Variants in NDUFV3 observed in about 807,000 individuals in gnomAD.
The protein encoded by NDUFV3 is NADH:ubiquinone oxidoreductase subunit V3.
NDUFV3 carries 44 observed loss-of-function variants against 37.5 expected under a neutral mutation model. The ratio of observed to expected loss-of-function variants is 1.17; its 90% CI spans 0.92 to 1.51. NDUFV3 has a LOEUF of 1.51. Ranked by LOEUF, NDUFV3 falls within the 40% of genes most tolerant of loss-of-function variation. NDUFV3 has a pLI of 0.00. For synonymous variants in NDUFV3, 235 were observed against 239.3 expected (o/e 0.98, Z 0.17); for missense variants, 580 against 580.4 (o/e 1.00, Z 0.01).
chr21:42,895,089 G>A (rs552522764), intron 1 of NDUFV3, among the ~76,000 whole-genome samples: 2 of 152,274 alleles, frequency 1.3e-5, no homozygotes, highest in African/African-American at 4.8e-5. Flanking sequence ...CCTGGCAGGT[G>A]GCTCATGCCT....
At chr21:42,902,099 T>G (rs1484015102) in intron 2 of NDUFV3, among the ~76,000 whole-genome samples, 3 of 152,092 alleles carry the variant, frequency 2.0e-5, no homozygotes, top group Non-Finnish European at 4.4e-5. Flanking sequence ...TCCCAGCTAT[T>G]CGGGAGGCTG....
rs372738890 is a variant in NDUFV3 at position 42,897,062 on chromosome 21, G to A, written c.169+15G>A. ...TCCACCAAAAAGTAAGATTTTGATG[G>A]TAGTCATAAGGGAAAGAGAATGCAA... On this transcript the variant is annotated intron_variant, in intron 2 of 3. Transcript: ENST00000354250. 5 of 1,613,318 alleles carry A rather than the reference G, an allele frequency of 3.1e-6. No individual in the cohort carries two copies. Among genetic ancestry groups the A allele is most frequent in the Non-Finnish European group, 4.2e-6 (5 of 1,179,526 alleles).
chr21:42,902,377 G>T (rs1419855486), intron 2 of NDUFV3, among the ~76,000 whole-genome samples: 1 of 152,108 alleles, frequency 6.6e-6, no homozygotes, highest in Admixed American at 6.5e-5. Flanking sequence ...TGTTTCCAAA[G>T]TTAGTTTTGT....
intron 3 of NDUFV3, among the ~76,000 whole-genome samples, chr21:42,906,051 A>G (rs2058740369): frequency 6.6e-6 from 1 of 150,836 alleles, no homozygotes; most frequent in South Asian, 2.1e-4. Flanking sequence ...TTTAGTAGAG[A>G]CAGCGTTTTG....
At chr21:42,896,391 C>A (rs1164425359) in intron 1 of NDUFV3, among the ~76,000 whole-genome samples, 2 of 151,710 alleles carry the variant, frequency 1.3e-5, no homozygotes, top group African/African-American at 2.4e-5. Flanking sequence ...CTCCTGACCT[C>A]ATGATCCACA....
In NDUFV3 at chr21:42,894,632, C is replaced by T. The variant is rs191037571; in HGVS notation, c.48+1251C>T. 5.0e-5 allele frequency among the ~76,000 whole-genome samples: 7 copies of T among 140,268 alleles called. No individual in the cohort carries two copies. In the East Asian group the frequency reaches 1.4e-3, roughly 28 times the overall value. 92.0% of individuals were successfully genotyped at this position (140,268 alleles called of 152,430 possible). A position where few individuals can be genotyped will look rare whatever the true frequency, so the allele number is the denominator to read the frequency against. On this transcript the variant is annotated intron_variant, in intron 1 of 3. Transcript: ENST00000354250. ...GGAGTGCAATGGCACCATCTCAACT[C>T]CCTGCAACTTCTGCCCCCTGGGATT...
At chr21:42,893,813 G>A (rs1207807573) in intron 1 of NDUFV3, among the ~76,000 whole-genome samples, 1 of 152,254 alleles carries the variant, frequency 6.6e-6, no homozygotes, top group Non-Finnish European at 1.5e-5. Context: ...AACTTTCAGG[G>A]ACCTGGTTAA....
intron 3 of NDUFV3, chr21:42,907,045 T>C (rs1356887378): frequency 2.7e-6 from 1 of 375,296 alleles, no homozygotes; most frequent in African/African-American, 2.1e-5. Context: ...AATGACCTGA[T>C]TTACAGAAAT....
Position 42,909,013 on chromosome 21 carries a change from C to A in NDUFV3, c.1414C>A (p.Arg472=). 1 of 1,613,674 alleles carries A rather than the reference C, an allele frequency of 6.2e-7. No homozygotes were observed. Among genetic ancestry groups the A allele is most frequent in the African/African-American group, 1.3e-5 (1 of 75,020 alleles). The change falls in exon 4 of 4, where the codon CGA becomes AGA. Residue 472 remains arginine (R), a synonymous_variant. Coordinates refer to ENST00000354250, the MANE Select transcript of NDUFV3 (RefSeq NM_021075.4). ...GCCCTCCTCAGGCCGGGAGTCACCT[C>A]GACACTGAGGGCCCTCGGTGTGAAG... ...PQPSSGRESP[R]H is the part of the protein sequence containing the mutation.
In NDUFV3 at chr21:42,903,634, A is replaced by G; in HGVS notation, c.622A>G (p.Lys208Glu). The G allele has an allele frequency of 1.9e-6, 3 of 1,614,014 alleles. No homozygotes were observed. In the South Asian group the frequency reaches 3.3e-5, roughly 18 times the overall value. The change falls in exon 3 of 4, where the codon AAA becomes GAA. Residue 208 changes from lysine to glutamate, a missense_variant. By Grantham distance (56) the Lys-to-Glu change is moderately conservative. Coordinates refer to ENST00000354250, the MANE Select transcript of NDUFV3 (RefSeq NM_021075.4). Reference protein sequence around the residue: ...APRVTVSAKEKTLLQKPHVDI... With the variant: ...APRVTVSAKEETLLQKPHVDI... The stretch of plus-strand genomic sequence containing the variant: ...CCGAGTTACAGTATCAGCAAAAGAG[A>G]AAACCTTGCTGCAGAAGCCGCATGT...
Position 42,909,016 on chromosome 21 carries a change from C to T in NDUFV3, c.1417C>T (p.His473Tyr). ...CTCCTCAGGCCGGGAGTCACCTCGA[C>T]ACTGAGGGCCCTCGGTGTGAAGATG... ...QPSSGRESPRH is the reference protein window; with the variant it reads ...QPSSGRESPRY The change falls in exon 4 of 4, where the codon CAC becomes TAC. Residue 473 changes from histidine (H) to tyrosine (Y), a missense_variant. His to Tyr is a moderately conservative substitution (Grantham distance 83). Coordinates refer to ENST00000354250, the MANE Select transcript of NDUFV3 (RefSeq NM_021075.4). 1 of 1,613,622 alleles carries T rather than the reference C, an allele frequency of 6.2e-7. No homozygotes were observed. Among genetic ancestry groups the T allele is most frequent in the East Asian group, 2.2e-5 (1 of 44,882 alleles).
At chr21:42,896,868 G>A in intron 1 of NDUFV3, 59 bp from the exon 2 acceptor site, 2 of 1,529,352 alleles carry the variant, frequency 1.3e-6, no homozygotes, top group Non-Finnish European at 1.8e-6. Flanking sequence ...TTCATATATA[G>A]TACCAGCTAT....
At chr21:42,895,798 G>A (rs1400490050) in intron 1 of NDUFV3, among the ~76,000 whole-genome samples, 1 of 152,016 alleles carries the variant, frequency 6.6e-6, no homozygotes, top group Admixed American at 6.6e-5. Context: ...CCTTGAACTC[G>A]GGTGTTTTCT....
At chr21:42,897,170 T>A in intron 2 of NDUFV3, 123 bp downstream of exon 2, 1 of 1,125,230 alleles carries the variant, frequency 8.9e-7, no homozygotes, top group Non-Finnish European at 1.3e-6. Flanking sequence ...TTTTCAGCAG[T>A]GTCCAGATTA....
chr21:42,897,731 C>T (rs540877799), intron 2 of NDUFV3, among the ~76,000 whole-genome samples: 1 of 151,666 alleles, frequency 6.6e-6, no homozygotes, highest in South Asian at 2.1e-4. Context: ...TGCTGGAGTG[C>T]AGTGGCGCAA....
chr21:42,907,859 G>A (rs1337714465), intron 3 of NDUFV3, among the ~76,000 whole-genome samples: 1 of 151,398 alleles, frequency 6.6e-6, no homozygotes, highest in African/African-American at 2.4e-5. Context: ...CCAAAGTGCT[G>A]GGATTATGGG....
At position 42,912,200 on chromosome 21, in the gene NDUFV3, A is replaced by C. The variant is rs535679497; in HGVS notation, c.*3179A>C. On this transcript the variant is annotated 3_prime_UTR_variant, in exon 4 of 4. Transcript: ENST00000354250. ...GGCTGCAGTGAGTGGAGATTGCAGCATCGCACTACAGCCTGGGCAACAACA... is the reference window on the plus strand; with the variant it reads ...GGCTGCAGTGAGTGGAGATTGCAGCCTCGCACTACAGCCTGGGCAACAACA... The C allele has an allele frequency of 6.6e-6, 1 of 152,362 alleles. No homozygotes were observed. Among genetic ancestry groups the C allele is most frequent in the South Asian group, 2.1e-4 (1 of 4,832 alleles). 9.4% of individuals were successfully genotyped at this position (152,362 alleles called of 1,614,324 possible). A position where few individuals can be genotyped will look rare whatever the true frequency, so the allele number is the denominator to read the frequency against.
chr21:42,898,461 T>A (rs995273415), intron 2 of NDUFV3, among the ~76,000 whole-genome samples: 1 of 151,974 alleles, frequency 6.6e-6, no homozygotes, highest in Non-Finnish European at 1.5e-5. Context: ...CCCTGGCATG[T>A]TTTGTTGATG....
At chr21:42,899,142 T>C (rs2058707236) in intron 2 of NDUFV3, among the ~76,000 whole-genome samples, 1 of 152,210 alleles carries the variant, frequency 6.6e-6, no homozygotes, top group Non-Finnish European at 1.5e-5. Flanking sequence ...AGGATGATCA[T>C]GCCAGCCTTG....
Sources: allele counts gnomAD v4.1 joint callset (sites outside exome capture counted in the v4.1 genomes callset), GRCh38; gene constraint gnomAD v4.1.1; transcripts MANE v1.5; gene names NCBI Gene and HGNC (gene_info 2026-07-23, HGNC 2026-07-21).